TRIM68: variants seen among roughly 807,000 people sequenced by gnomAD.
TRIM68 encodes the protein tripartite motif containing 68.
A neutral mutation model predicts 41.9 loss-of-function variants in TRIM68; 36 were observed. The observed-to-expected ratio is 0.86, with a 90% CI of 0.66 to 1.14. The LOEUF is 1.14. Ranked by LOEUF, TRIM68 falls within the 50% of genes most tolerant of loss-of-function variation. TRIM68 has a pLI of 0.00. For missense variants in TRIM68, 632 were observed against 605.1 expected, an observed-to-expected ratio of 1.04 and a Z score of -0.47; for synonymous variants, 225 against 224.6, an observed-to-expected ratio of 1.00 and a Z score of -0.02.
chr11:4,606,586 A>G (rs1846573375), intron 1 of TRIM68, among the ~76,000 whole-genome samples: 1 of 152,252 alleles, frequency 6.6e-6, no homozygotes, highest in African/African-American at 2.4e-5. Context: ...TTTGTGAGGT[A>G]AATTGAGAGC....
At chr11:4,601,203 G>A (rs1489546401) in intron 5 of TRIM68, 76 bp from the exon 6 acceptor site, 2 of 1,159,324 alleles carry the variant, frequency 1.7e-6, no homozygotes, top group Middle Eastern at 2.0e-4. Flanking sequence ...ACAGGGAAGA[G>A]GGGCTTGGCC....
In TRIM68 at chr11:4,600,741, G is replaced by A. The variant is rs775498491; in HGVS notation, c.993C>T (p.Asn331=). The change falls in exon 7 of 7, where the codon AAC becomes AAT. Residue 331 remains asparagine, a synonymous_variant. Transcript: ENST00000300747. ...DRKRVHYGDT[N]QKLPDNPERF... ...TCTCAGGATTGTCTGGCAGTTTCTG[G>A]TTGGTGTCTCCATAGTGCACACGTT... 4.3e-6 allele frequency: 7 copies of A among 1,614,182 alleles called. No individual in the cohort carries two copies. In the South Asian group the frequency reaches 5.5e-5, roughly 13 times the overall value.
intron 3 of TRIM68, among the ~76,000 whole-genome samples, chr11:4,602,757 T>C (rs1313302972): frequency 6.6e-6 from 1 of 152,262 alleles, no homozygotes; most frequent in Non-Finnish European, 1.5e-5. Flanking sequence ...TTCATTTTCA[T>C]GTTGATATTA....
chr11:4,602,135 G>T lies in TRIM68; in HGVS notation c.783+17C>A. 6.2e-7 allele frequency: 1 copy of T among 1,614,004 alleles called. No individual in the cohort carries two copies. Among genetic ancestry groups the T allele is most frequent in the South Asian group, 1.1e-5 (1 of 91,064 alleles). On this transcript the variant is annotated intron_variant, in intron 4 of 6. Coordinates refer to ENST00000300747, the MANE Select transcript of TRIM68 (RefSeq NM_018073.8). ...TTCAGCTGTCACTCAGGGTTACCAG[G>T]AAAACCTACTACTCACCTGCAACAT...
intron 4 of TRIM68, 89 bp from the exon 5 acceptor site, chr11:4,601,775 G>A (rs1846493066): frequency 4.1e-6 from 6 of 1,454,822 alleles, no homozygotes; most frequent in Admixed American, 3.4e-5. Flanking sequence ...TTCTCTAGGG[G>A]AAGGGAGACA....
intron 1 of TRIM68, among the ~76,000 whole-genome samples, chr11:4,606,356 C>A (rs1181379419): frequency 1.3e-5 from 2 of 152,206 alleles, no homozygotes; most frequent in South Asian, 2.1e-4. Context: ...TGGTCAATGG[C>A]AGGCTCTTGG....
intron 2 of TRIM68, among the ~76,000 whole-genome samples, chr11:4,603,734 G>A (rs1846527991): frequency 6.6e-6 from 1 of 152,152 alleles, no homozygotes; most frequent in Admixed American, 6.5e-5. Flanking sequence ...GAGCTTGTTA[G>A]AAATGCAGAA....
Position 4,605,531 on chromosome 11 carries a change from C to T in TRIM68, c.-27G>A, listed in dbSNP as rs773124850. 1 of 1,569,084 alleles carries T rather than the reference C, an allele frequency of 6.4e-7. No homozygotes were observed. Among genetic ancestry groups the T allele is most frequent in the African/African-American group, 1.4e-5 (1 of 73,466 alleles). ...GTTCCTTCTCACACCCTCCTCAGAA[C>T]ATGAATGAAACCAGGGAGAAGTAGT... On this transcript the variant is annotated 5_prime_UTR_variant, in exon 2 of 7. The change abolishes an upstream ATG in the 5' untranslated region. Coordinates refer to ENST00000300747, the MANE Select transcript of TRIM68 (RefSeq NM_018073.8).
chr11:4,601,844 A>C, intron 4 of TRIM68, 158 bp from the exon 5 acceptor site: 1 of 930,822 alleles, frequency 1.1e-6, no homozygotes, highest in Admixed American at 2.1e-5. Context: ...GAAGGATGGA[A>C]GAGCAGGCTG....
intron 1 of TRIM68, among the ~76,000 whole-genome samples, chr11:4,607,592 A>T (rs1846587600): frequency 1.3e-5 from 2 of 152,262 alleles, no homozygotes; most frequent in African/African-American, 4.8e-5. Context: ...ATACAGTGGA[A>T]CGCATATTAT....
chr11:4,607,542 GAAAGTAAGGCAAAGAAATATCAA>G (rs1846587072), intron 1 of TRIM68, among the ~76,000 whole-genome samples: 2 of 152,160 alleles, frequency 1.3e-5, no homozygotes, highest in Admixed American at 1.3e-4. Flanking sequence ...GTGGCAGTAA[GAAAGTAAGGCAAAGAAATATCAA>G]AATGATAAAT....
intron 2 of TRIM68, 90 bp downstream of exon 2, chr11:4,604,989 A>G: frequency 7.0e-7 from 1 of 1,419,424 alleles, no homozygotes; most frequent in Non-Finnish European, 9.6e-7. Flanking sequence ...GTTAGCTCTC[A>G]GTCTGTGGTG....
rs1846466384 is a variant in TRIM68, at chr11:4,600,446, C to T, written c.1288G>A (p.Glu430Lys). The change falls in exon 7 of 7, where the codon GAG (glutamate) becomes AAG (lysine). Residue 430 changes from glutamate (E) to lysine (K), a missense_variant. Physicochemically the swap from Glu to Lys is moderately conservative, Grantham distance 56. Transcript: ENST00000300747. ...TTGTAGAAAGAAATGTCATGGGCCT[C>T]ATAATCCACGAAGATTCCCACCCGG... ...PRRVGIFVDY[E>K]AHDISFYNVT... 1 of 1,613,732 alleles carries T rather than the reference C, an allele frequency of 6.2e-7. No homozygotes were observed. The highest frequency in any genetic ancestry group is 1.7e-5 in the Admixed American group (1 of 59,984).
intron 3 of TRIM68, 90 bp from the exon 4 acceptor site, chr11:4,602,502 G>C (rs1203083612): frequency 1.3e-6 from 2 of 1,515,046 alleles, no homozygotes; most frequent in African/African-American, 2.7e-5. Context: ...ACTCTGCAAT[G>C]GTACCAACCA....
At position 4,605,237 on chromosome 11, in the gene TRIM68, C is replaced by T; in HGVS notation, c.268G>A (p.Gly90Arg). 6.2e-7 allele frequency: 1 copy of T among 1,614,276 alleles called. No homozygotes were observed. The highest frequency in any genetic ancestry group is 8.5e-7 in the Non-Finnish European group (1 of 1,180,046). ...CACAGGTCACCCTTCAGCCCCATTC[C>T]TGGATGTAGCCTTAGCAGACGGACT... The part of the protein sequence containing the change: ...EKVRLLRLHP[G>R]MGLKGDLCER... The change falls in exon 2 of 7, where the codon GGA (glycine) becomes AGA (arginine). Residue 90 changes from glycine (G) to arginine (R), a missense_variant. Coordinates refer to ENST00000300747, the MANE Select transcript of TRIM68 (RefSeq NM_018073.8).
At chr11:4,606,030 A>T (rs1589850379) in intron 1 of TRIM68, among the ~76,000 whole-genome samples, 1 of 152,344 alleles carries the variant, frequency 6.6e-6, no homozygotes, top group African/African-American at 2.4e-5. Context: ...AGTATGCCAG[A>T]AGCCCATTGC....
rs1351862656 is a variant in TRIM68 at position 4,608,121 on chromosome 11, C to A, written c.-152G>T. 6.6e-6 allele frequency: 1 copy of A among 152,334 alleles called. No individual in the cohort carries two copies. The highest frequency in any genetic ancestry group is 2.1e-4 in the South Asian group (1 of 4,840). The allele number at this position is 152,334 out of a possible 1,614,324, so 9.4% of individuals were successfully genotyped here. A position where few individuals can be genotyped will look rare whatever the true frequency, so the allele number is the denominator to read the frequency against. On this transcript the variant is annotated 5_prime_UTR_variant, in exon 1 of 7. Coordinates refer to ENST00000300747, the MANE Select transcript of TRIM68 (RefSeq NM_018073.8). Reference sequence around the variant, plus strand: ...CCAATGGCCCAGCGTCAGAAGCTGCCGTTCCCGGCAGCTCAGCACTTAGGG... The same window carrying A: ...CCAATGGCCCAGCGTCAGAAGCTGCAGTTCCCGGCAGCTCAGCACTTAGGG...
rs752504637 is a variant in TRIM68, at chr11:4,600,576, G to A, written c.1158C>T (p.Tyr386=). The A allele has an allele frequency of 1.2e-6, 2 of 1,614,106 alleles. No homozygotes were observed. Among genetic ancestry groups the A allele is most frequent in the Non-Finnish European group, 1.7e-6 (2 of 1,180,030 alleles). ...CCCAGAATCCATAGTGGGGGGATAA[G>A]TAGACCACCTCCTTCCGGTCTACAT... ...KQNVDRKEVV[Y]LSPHYGFWVI... Residue 386 remains tyrosine, a synonymous_variant, in exon 7 of 7, where the codon TAC becomes TAT. Transcript: ENST00000300747.
chr11:4,605,577 GAA>G lies in TRIM68; in HGVS notation c.-57-18_-57-17del, dbSNP rs1203284184. The G allele has an allele frequency of 7.1e-7, 1 of 1,404,056 alleles. No homozygotes were observed. Among genetic ancestry groups the G allele is most frequent in the Non-Finnish European group, 9.6e-7 (1 of 1,039,372 alleles). The allele number at this position is 1,404,056 out of a possible 1,614,324, so 87.0% of individuals were successfully genotyped here. A position where few individuals can be genotyped will look rare whatever the true frequency, so the allele number is the denominator to read the frequency against. ...GTAGTAAAGGCTGAGAAGAAGAAAA[GAA>G]AGACAAATAAGAGAAAAAGGTAACA... On this transcript the variant is annotated splice_polypyrimidine_tract_variant and intron_variant, in intron 1 of 6. Transcript: ENST00000300747.
Sources: gnomAD v4.1 joint callset for allele counts (sites outside exome capture counted in the v4.1 genomes callset) on GRCh38, gnomAD v4.1.1 for gene constraint, MANE v1.5 for transcripts, NCBI Gene and HGNC (gene_info 2026-07-23, HGNC 2026-07-21) for gene names.